The following LIN28B variants were observed in gnomAD, a reference collection of about 807,000 sequenced individuals.
LIN28B encodes protein lin-28 homolog B.
Under a neutral mutation model 21.9 loss-of-function variants are expected in LIN28B, and 5 were observed. The ratio of observed to expected loss-of-function variants is 0.23; its 90% CI spans 0.12 to 0.48. The LOEUF is 0.48. Ranked by LOEUF, LIN28B falls within the 20% of genes least tolerant of loss-of-function variation. The pLI is 0.98. For missense variants in LIN28B, 245 were observed against 310.5 expected, an observed-to-expected ratio of 0.79 and a Z score of 1.58; for synonymous variants, 109 against 111.3, an observed-to-expected ratio of 0.98 and a Z score of 0.13.
In LIN28B at chr6:105,044,588, A is replaced by G. The variant is rs115184568; in HGVS notation, c.383+18106A>G. 6.6e-3 allele frequency among the ~76,000 whole-genome samples: 1,011 copies of G among 152,312 alleles called. 6 individuals carry two copies. Among genetic ancestry groups the G allele is most frequent in the African/African-American group, 0.023 (964 of 41,576 alleles). On this transcript the variant is annotated intron_variant, in intron 3 of 3. Coordinates refer to ENST00000345080, the MANE Select transcript of LIN28B (RefSeq NM_001004317.4). ...GTGAATAGAAATTTCAATTCCCACA[A>G]TGAAGATATAAATCTAATTATAGCC...
intron 2 of LIN28B, among the ~76,000 whole-genome samples, chr6:104,945,263 C>G (rs995419507): frequency 6.6e-6 from 1 of 152,040 alleles, no homozygotes; most frequent in Admixed American, 6.6e-5. Context: ...ACATTTATTA[C>G]ATCAGTAAGT....
At chr6:105,065,422 C>T (rs765410303) in intron 3 of LIN28B, among the ~76,000 whole-genome samples, 1 of 152,186 alleles carries the variant, frequency 6.6e-6, no homozygotes, top group African/African-American at 2.4e-5. Context: ...TCAGTTTTTA[C>T]TTACGTACAT....
chr6:105,076,755 G>A (rs547860887), intron 3 of LIN28B, among the ~76,000 whole-genome samples: 8 of 151,698 alleles, frequency 5.3e-5, no homozygotes, highest in East Asian at 4.0e-4. Context: ...ACAAGCGCGC[G>A]CCATCATGCC....
chr6:105,002,466 C>T (rs779970137), intron 2 of LIN28B, among the ~76,000 whole-genome samples: 3 of 151,960 alleles, frequency 2.0e-5, no homozygotes, highest in Admixed American at 6.6e-5. Flanking sequence ...CTGCATTATC[C>T]GAAATGGTAA....
At chr6:105,034,915 A>G (rs543735820) in intron 3 of LIN28B, among the ~76,000 whole-genome samples, 13 of 152,144 alleles carry the variant, frequency 8.5e-5, no homozygotes, top group African/African-American at 2.9e-4. Context: ...TCTTTATTAA[A>G]CAGAAAAATA....
intron 3 of LIN28B, among the ~76,000 whole-genome samples, chr6:105,046,119 A>C (rs1771754806): frequency 6.6e-6 from 1 of 152,138 alleles, no homozygotes; most frequent in African/African-American, 2.4e-5. Flanking sequence ...TGCATCCATT[A>C]ACTCAACATT....
intron 3 of LIN28B, among the ~76,000 whole-genome samples, chr6:105,030,561 C>T (rs1027733725): frequency 6.7e-6 from 1 of 149,728 alleles, no homozygotes; most frequent in Non-Finnish European, 1.5e-5. Context: ...TTTCAAAGAA[C>T]AGGCTCTTGA....
chr6:105,076,965 C>T (rs1198928801), intron 3 of LIN28B, among the ~76,000 whole-genome samples: 1 of 151,860 alleles, frequency 6.6e-6, no homozygotes. Flanking sequence ...TGCAGTGGCT[C>T]ACGTCTGTAA....
At chr6:105,050,644 A>G (rs1771882417) in intron 3 of LIN28B, among the ~76,000 whole-genome samples, 1 of 138,926 alleles carries the variant, frequency 7.2e-6, no homozygotes, top group South Asian at 2.4e-4. Flanking sequence ...AGAATGTTGA[A>G]CATTGGCCCC....
At chr6:105,025,920 ATAAT>A (rs1427913717) in intron 2 of LIN28B, among the ~76,000 whole-genome samples, 9 of 152,128 alleles carry the variant, frequency 5.9e-5, no homozygotes, top group Admixed American at 5.2e-4. Flanking sequence ...TATTATATTA[ATAAT>A]TTATTTAATC....
chr6:105,026,474 G>T lies in LIN28B; in HGVS notation c.375G>T (p.Lys125Asn). 1 of 1,556,436 alleles carries T rather than the reference G, an allele frequency of 6.4e-7. No individual in the cohort carries two copies. Among genetic ancestry groups the T allele is most frequent in the Non-Finnish European group, 8.7e-7 (1 of 1,154,978 alleles). The change falls in exon 3 of 4, where the codon AAG (lysine) becomes AAT (asparagine). Residue 125 changes from lysine (K) to asparagine (N), a missense_variant. Transcript: ENST00000345080. ...KGKTLQKRKP[K>N]GDRCYNCGGL... is the part of the protein sequence containing the mutation. ...AGACACTACAGAAAAGAAAACCAAA[G>T]GGAGATAGGTAATCATTTTTACTTT...
At chr6:105,074,594 A>G in intron 3 of LIN28B, among the ~76,000 whole-genome samples, 1 of 152,298 alleles carries the variant, frequency 6.6e-6, no homozygotes, top group African/African-American at 2.4e-5. Context: ...ACGCTCCTTA[A>G]ATAAGAAATA....
intron 2 of LIN28B, among the ~76,000 whole-genome samples, chr6:104,974,847 TCTCA>T (rs1430603448): frequency 3.9e-5 from 6 of 151,966 alleles, no homozygotes; most frequent in Non-Finnish European, 7.4e-5. Flanking sequence ...TGAGATGGAG[TCTCA>T]CTCTGTTGCC....
intron 3 of LIN28B, among the ~76,000 whole-genome samples, chr6:105,065,567 G>A (rs1030550834): frequency 2.0e-5 from 3 of 152,334 alleles, no homozygotes; most frequent in Non-Finnish European, 2.9e-5. Context: ...TTTCCTCAGC[G>A]GTAGCTGGTG....
Position 105,079,376 on chromosome 6 carries a change from C to A in LIN28B, c.*593C>A, listed in dbSNP as rs1344954493. 6.6e-6 allele frequency: 1 copy of A among 152,550 alleles called. No individual in the cohort carries two copies. Among genetic ancestry groups the A allele is most frequent in the Non-Finnish European group, 1.5e-5 (1 of 68,024 alleles). 9.4% of individuals were successfully genotyped at this position (152,550 alleles called of 1,614,324 possible). On this transcript the variant is annotated 3_prime_UTR_variant, in exon 4 of 4. Coordinates refer to ENST00000345080, the MANE Select transcript of LIN28B (RefSeq NM_001004317.4). ...CCCGAATTTGGGATTGCCTCTTTTT[C>A]TTGAAATCTCTGGAGTAGTAATTTT...
chr6:105,059,108 C>T (rs1772077721), intron 3 of LIN28B, among the ~76,000 whole-genome samples: 1 of 152,124 alleles, frequency 6.6e-6, no homozygotes, highest in African/African-American at 2.4e-5. Context: ...CTTACTATCT[C>T]CTACTTGCTA....
chr6:104,996,914 GT>G lies in LIN28B; in HGVS notation c.199-29381del, dbSNP rs550609434. 9.1e-3 allele frequency among the ~76,000 whole-genome samples: 1,393 copies of G among 152,328 alleles called. 27 individuals are homozygous for G. Among genetic ancestry groups the G allele is most frequent in the African/African-American group, 0.032 (1,318 of 41,560 alleles). On this transcript the variant is annotated intron_variant, in intron 2 of 3. Transcript: ENST00000345080. ...GTAGGAAGATCACTTCACCCCAGGA[GT>G]TTGAGGCTGCGTGAGCTAGGAATGA...
chr6:104,954,440 C>G (rs570766115), upstream of LIN28B, among the ~76,000 whole-genome samples: 3 of 152,198 alleles, frequency 2.0e-5, no homozygotes, highest in Non-Finnish European at 4.4e-5. Context: ...TTTTGTGTTT[C>G]TCAATGTGTC....
chr6:104,962,912 C>T (rs909424054), intron 2 of LIN28B, among the ~76,000 whole-genome samples: 10 of 152,036 alleles, frequency 6.6e-5, no homozygotes, highest in Non-Finnish European at 5.9e-5. Context: ...TAGTGAGTTA[C>T]GTATTTTAAT....
Sources: gnomAD v4.1 joint callset for allele counts (sites outside exome capture counted in the v4.1 genomes callset) on GRCh38, gnomAD v4.1.1 for gene constraint, MANE v1.5 for transcripts, NCBI Gene and HGNC (gene_info 2026-07-23, HGNC 2026-07-21) for gene names.